The following ANKRD26 variants were observed in gnomAD, a reference collection of about 807,000 sequenced individuals.
ANKRD26 encodes ankyrin repeat domain-containing protein 26.
In ANKRD26, 141 loss-of-function variants were observed where a neutral mutation model predicts 208.7. The observed-to-expected ratio is 0.68, with a 90% CI of 0.59 to 0.78. The LOEUF (loss-of-function observed/expected upper bound fraction) is 0.78, where lower values mean the gene tolerates loss of function less well. Among genes scored for constraint, ANKRD26 ranks in the 30% least tolerant of loss-of-function variants. The pLI is 0.00. For missense variants in ANKRD26, 1,889 were observed against 1,938.7 expected, an observed-to-expected ratio of 0.97 and a Z score of 0.48; for synonymous variants, 636 against 660.4, an observed-to-expected ratio of 0.96 and a Z score of 0.57.
chr10:26,995,745 A>G (rs1413641758), intron 4 of ANKRD26, among the ~76,000 whole-genome samples: 4 of 152,194 alleles, frequency 2.6e-5, no homozygotes, highest in Admixed American at 1.3e-4. Context: ...GTTGACATTC[A>G]TCTTGAGACA....
chr10:27,032,673 G>A (rs932780310), intron 25 of ANKRD26, among the ~76,000 whole-genome samples: 2 of 150,986 alleles, frequency 1.3e-5, no homozygotes, highest in African/African-American at 4.9e-5. Context: ...AAATTAGCTG[G>A]GCATGCTGGC....
chr10:27,033,844 C>T (rs1449781822), intron 24 of ANKRD26, among the ~76,000 whole-genome samples: 1 of 152,136 alleles, frequency 6.6e-6, no homozygotes, highest in Non-Finnish European at 1.5e-5. Context: ...ATTCCAATGG[C>T]CTTAGAGGCC....
rs772514156 is a variant in ANKRD26 at position 27,035,089 on chromosome 10, T to C, written c.3361A>G (p.Lys1121Glu). 4 of 1,612,906 alleles carry C rather than the reference T, an allele frequency of 2.5e-6. No individual in the cohort carries two copies. The highest frequency in any genetic ancestry group is 2.2e-5 in the South Asian group (2 of 90,876). The change falls in exon 24 of 34, where the codon AAA becomes GAA. Residue 1121 changes from lysine (K) to glutamate (E), a missense_variant. Coordinates refer to ENST00000376087, the MANE Select transcript of ANKRD26 (RefSeq NM_014915.3). ...MEQKYQNEQV[K>E]VNKYIGKQES... Reference sequence around the variant, plus strand: ...TGCTTTCCAATGTATTTATTCACTTTAACTTGTTCATTTTGATACTTTTGT... The same window carrying C: ...TGCTTTCCAATGTATTTATTCACTTCAACTTGTTCATTTTGATACTTTTGT...
the ANKRD26 span, among the ~76,000 whole-genome samples, chr10:26,951,497 G>A: frequency 6.6e-6 from 1 of 152,030 alleles, no homozygotes; most frequent in African/African-American, 2.4e-5. Flanking sequence ...TTTAGTTCTT[G>A]TTGCTCTTGT....
intron 10 of ANKRD26, among the ~76,000 whole-genome samples, chr10:27,066,810 ATT>A (rs112423515): frequency 6.9e-6 from 1 of 143,904 alleles, no homozygotes. Flanking sequence ...CTTAGAATAG[ATT>A]TTTTTTTTTT....
chr10:26,971,240 G>A (rs757288036), downstream of ANKRD26, among the ~76,000 whole-genome samples: 18 of 152,080 alleles, frequency 1.2e-4, no homozygotes, highest in Non-Finnish European at 2.5e-4. Context: ...AAAATTAGCC[G>A]AGCTTGGTGG....
At chr10:26,999,807 C>CAAAAAAAAAA (rs68192322), downstream of ANKRD26, among the ~76,000 whole-genome samples, 1 of 74,776 alleles carries the variant, frequency 1.3e-5, no homozygotes, top group Non-Finnish European at 2.8e-5. Flanking sequence ...CAAAACCAAC[C>CAAAAAAAAAA]AAAAAAAAAA....
At chr10:27,084,775 A>G (rs950795735) in intron 5 of ANKRD26, among the ~76,000 whole-genome samples, 4 of 151,920 alleles carry the variant, frequency 2.6e-5, no homozygotes, top group African/African-American at 9.7e-5. Flanking sequence ...AGGCTGAGGC[A>G]AAAGAATTGC....
chr10:27,060,620 AC>A, intron 13 of ANKRD26, 80 bp from the exon 14 acceptor site: 1 of 1,058,924 alleles, frequency 9.4e-7, no homozygotes, highest in Non-Finnish European at 1.4e-6. Context: ...TGTTAGTATG[AC>A]CAGAATCATC....
intron 16 of ANKRD26, among the ~76,000 whole-genome samples, chr10:27,050,332 G>A (rs1486118913): frequency 6.6e-6 from 1 of 151,494 alleles, no homozygotes; most frequent in African/African-American, 2.4e-5. Context: ...TTCTACTTTG[G>A]AGTTAAATAC....
intron 3 of ANKRD26, among the ~76,000 whole-genome samples, chr10:26,984,707 T>G (rs751151601): frequency 2.0e-5 from 3 of 152,190 alleles, no homozygotes; most frequent in Non-Finnish European, 4.4e-5. Context: ...GTTATTTGGG[T>G]TCCTGACACA....
intron 20 of ANKRD26, 22 bp downstream of exon 20, chr10:27,043,404 T>A: frequency 1.9e-6 from 3 of 1,612,620 alleles, no homozygotes; most frequent in Non-Finnish European, 2.5e-6. Context: ...AAAAAGGCCT[T>A]AAATTTATGC....
At chr10:27,074,562 T>A (rs1393283652) in intron 9 of ANKRD26, among the ~76,000 whole-genome samples, 1 of 152,218 alleles carries the variant, frequency 6.6e-6, no homozygotes, top group Non-Finnish European at 1.5e-5. Context: ...ATACCTGTAA[T>A]CCTAGCTACT....
rs1439142406 is a variant in ANKRD26, at chr10:27,006,305, G to C, written c.5000-582C>G. Reference sequence around the variant, plus strand: ...TCCACGTGGTCTAGGGTGGCTGGATGCCAGAGCAAAGGGGCCCGAAGAACA... The same window carrying C: ...TCCACGTGGTCTAGGGTGGCTGGATCCCAGAGCAAAGGGGCCCGAAGAACA... On this transcript the variant is annotated intron_variant, in intron 33 of 33. Transcript: ENST00000376087. 2.6e-5 allele frequency among the ~76,000 whole-genome samples: 4 copies of C among 152,208 alleles called. No individual in the cohort carries two copies. The East Asian group carries it at 7.7e-4, about 29-fold the overall frequency.
chr10:26,955,517 A>G, the ANKRD26 span, among the ~76,000 whole-genome samples: 2 of 152,148 alleles, frequency 1.3e-5, no homozygotes, highest in African/African-American at 2.4e-5. Flanking sequence ...GTGTATAAAT[A>G]TGTTCCAATC....
In ANKRD26 at chr10:27,064,061, T is replaced by G. The variant is rs376058325; in HGVS notation, c.1290A>C (p.Pro430=). ...CAGCTAAAGGATCAACATACTTCTGTGGAAAATTCTCAGAGATACTCTGTT... is the reference window on the plus strand; with the variant it reads ...CAGCTAAAGGATCAACATACTTCTGGGGAAAATTCTCAGAGATACTCTGTT... ...WDSESISENF[P]QKYVDPLAGA... The change falls in exon 12 of 34, where the codon CCA becomes CCC. Residue 430 remains proline (P), a synonymous_variant. Transcript: ENST00000376087. 1 of 1,610,652 alleles carries G rather than the reference T, an allele frequency of 6.2e-7. No homozygotes were observed. Among genetic ancestry groups the G allele is most frequent in the Non-Finnish European group, 8.5e-7 (1 of 1,178,986 alleles).
chr10:26,997,830 C>T (rs1033509171), intron 4 of ANKRD26, among the ~76,000 whole-genome samples: 1 of 152,212 alleles, frequency 6.6e-6, no homozygotes, highest in African/African-American at 2.4e-5. Context: ...TCAACCCCCA[C>T]ATCCTCACCA....
intron 3 of ANKRD26, among the ~76,000 whole-genome samples, 200 bp from the exon 4 acceptor site, chr10:27,092,712 C>T (rs374937620): frequency 2.0e-5 from 3 of 152,144 alleles, no homozygotes; most frequent in Admixed American, 6.6e-5. Context: ...AAATTTTTAC[C>T]GGTTCTAAGA....
chr10:27,096,481 T>G (rs1294575619), intron 1 of ANKRD26, among the ~76,000 whole-genome samples: 1 of 152,150 alleles, frequency 6.6e-6, no homozygotes, highest in East Asian at 1.9e-4. Flanking sequence ...ATATCAACTC[T>G]GGCCTGGTGC....
Sources: gnomAD v4.1 joint callset for allele counts (sites outside exome capture counted in the v4.1 genomes callset) on GRCh38, gnomAD v4.1.1 for gene constraint, MANE v1.5 for transcripts, NCBI Gene and HGNC (gene_info 2026-07-23, HGNC 2026-07-21) for gene names.